GPM6A: variants seen among roughly 807,000 people sequenced by gnomAD.
GPM6A encodes the protein glycoprotein M6A, also known as neuronal membrane glycoprotein M6-a.
Under a neutral mutation model 32.1 loss-of-function variants are expected in GPM6A, and 7 were observed. The observed-to-expected ratio is 0.22, with a 90% CI of 0.12 to 0.41. The LOEUF (loss-of-function observed/expected upper bound fraction) is 0.41, where lower values mean the gene tolerates loss of function less well. Among genes scored for constraint, GPM6A ranks in the 10% least tolerant of loss-of-function variants. The pLI is 1.00. For missense variants in GPM6A, 235 were observed against 347.2 expected, an observed-to-expected ratio of 0.68 and a Z score of 2.57; for synonymous variants, 130 against 123.4, an observed-to-expected ratio of 1.05 and a Z score of -0.35.
chr4:175,937,039 T>C (rs1205229932), intron 1 of GPM6A, among the ~76,000 whole-genome samples: 1 of 152,104 alleles, frequency 6.6e-6, no homozygotes, highest in Admixed American at 6.5e-5. Context: ...ATAAATAAGA[T>C]TGATGTTTTC....
intron 1 of GPM6A, among the ~76,000 whole-genome samples, chr4:175,709,078 C>A (rs190469280): frequency 6.6e-6 from 1 of 152,180 alleles, no homozygotes; most frequent in East Asian, 1.9e-4. Context: ...TGTAAGCATA[C>A]GTAAACTTAA....
At chr4:175,813,161 T>C (rs1344295737), upstream of GPM6A, 1 of 721,566 alleles carries the variant, frequency 1.4e-6, no homozygotes, top group Non-Finnish European at 1.7e-6. Context: ...CGAAAGCTGC[T>C]GGTTTCCAAT....
intron 1 of GPM6A, among the ~76,000 whole-genome samples, chr4:175,938,023 T>C (rs1739293123): frequency 6.6e-6 from 1 of 152,168 alleles, no homozygotes; most frequent in Admixed American, 6.5e-5. Context: ...ATGGATTACA[T>C]AGAGTTTGAG....
intron 1 of GPM6A, 197 bp downstream of exon 1, chr4:175,811,994 A>T (rs992059391): frequency 5.7e-6 from 3 of 525,210 alleles, no homozygotes; most frequent in Non-Finnish European, 1.0e-5. Flanking sequence ...TTCGGTACTT[A>T]TATCTGAAAG....
intron 1 of GPM6A, among the ~76,000 whole-genome samples, chr4:175,917,855 A>AGT (rs3034746): frequency 0.97 from 148,295 of 152,230 alleles, 72,363 homozygotes; most frequent in East Asian, 1. Context: ...TAGCCTTATA[A>AGT]GTCAATGTGT....
chr4:175,993,148 T>C (rs1172090773), intron 1 of GPM6A, among the ~76,000 whole-genome samples: 2 of 139,120 alleles, frequency 1.4e-5, no homozygotes, highest in African/African-American at 5.3e-5. Context: ...CCCTCCCCTC[T>C]CTCCCTCCCC....
chr4:175,948,539 C>G (rs1366718459), intron 1 of GPM6A, among the ~76,000 whole-genome samples: 1 of 152,212 alleles, frequency 6.6e-6, no homozygotes, highest in Non-Finnish European at 1.5e-5. Context: ...TAAGATGCCA[C>G]ATCTGATTCT....
chr4:175,751,631 T>G (rs1216437507), intron 1 of GPM6A, among the ~76,000 whole-genome samples: 1 of 152,146 alleles, frequency 6.6e-6, no homozygotes, highest in Admixed American at 6.5e-5. Flanking sequence ...CTGAATCTAT[T>G]CTGTGCAAAC....
intron 1 of GPM6A, among the ~76,000 whole-genome samples, chr4:175,820,648 C>T (rs10032978): frequency 0.064 from 9,633 of 151,462 alleles, 860 homozygotes; most frequent in African/African-American, 0.21. Context: ...TACAGGCATG[C>T]GCCACCACGC....
rs1184103679 is a variant in GPM6A at position 175,817,725 on chromosome 4, G to C, written c.-22-5476C>G. Among the ~76,000 whole-genome samples, 4 of 152,294 alleles carry C rather than the reference G, an allele frequency of 2.6e-5. No individual in the cohort carries two copies. The East Asian group carries it at 5.8e-4, about 22-fold the overall frequency. ...AAGAGAATACATGAAGGCCTATGGA[G>C]GGGGAGACATACTCTGCTGAGAACA... On this transcript the variant is annotated intron_variant, in intron 1 of 7. Transcript: ENST00000280187.
At chr4:175,641,839 G>A (rs6553890) in intron 4 of GPM6A, 17,416 of 151,850 alleles carry the variant, frequency 0.11, 1,539 homozygotes, top group African/African-American at 0.24. Flanking sequence ...ACAGGTGCCC[G>A]CCACCACACC....
intron 3 of GPM6A, among the ~76,000 whole-genome samples, chr4:175,662,198 A>G (rs1390874096): frequency 6.6e-6 from 1 of 152,142 alleles, no homozygotes; most frequent in East Asian, 1.9e-4. Flanking sequence ...TGTATAATAT[A>G]CTGGGGGTTT....
At chr4:175,825,625 G>C (rs1334719882) in intron 1 of GPM6A, among the ~76,000 whole-genome samples, 2 of 152,140 alleles carry the variant, frequency 1.3e-5, no homozygotes, top group Non-Finnish European at 2.9e-5. Flanking sequence ...TCAACCTAAA[G>C]ATGATGGCAA....
chr4:175,744,936 A>C (rs1732038325), intron 1 of GPM6A, among the ~76,000 whole-genome samples: 1 of 152,182 alleles, frequency 6.6e-6, no homozygotes, highest in African/African-American at 2.4e-5. Flanking sequence ...ATAAATTGTT[A>C]AACATAATAA....
chr4:175,659,850 T>C (rs1038128181), intron 3 of GPM6A, among the ~76,000 whole-genome samples: 1 of 152,160 alleles, frequency 6.6e-6, no homozygotes, highest in Non-Finnish European at 1.5e-5. Context: ...AACAATAGTG[T>C]GAATGTAAGG....
At chr4:175,902,264 G>C (rs35663654) in intron 1 of GPM6A, among the ~76,000 whole-genome samples, 1 of 152,158 alleles carries the variant, frequency 6.6e-6, no homozygotes, top group Non-Finnish European at 1.5e-5. Context: ...GTTATGATAT[G>C]GGAGCTAAAA....
At chr4:175,895,619 A>T (rs541571792) in intron 1 of GPM6A, among the ~76,000 whole-genome samples, 2 of 152,214 alleles carry the variant, frequency 1.3e-5, no homozygotes, top group Non-Finnish European at 2.9e-5. Context: ...TAAAATTCCA[A>T]ATCAACCTAT....
At chr4:175,821,219 GA>G (rs940103555) in intron 1 of GPM6A, among the ~76,000 whole-genome samples, 1 of 152,034 alleles carries the variant, frequency 6.6e-6, no homozygotes, top group African/African-American at 2.4e-5. Flanking sequence ...ATCTTAATAT[GA>G]TTTCCTTAAG....
Position 175,640,834 on chromosome 4 carries a change from A to C in GPM6A, c.542-5T>G. ...CCTCTCCAATTGTCACAATTCCTAC[A>C]ATGTGTGGGAAATGACAGTTTAGCA... On this transcript the variant is annotated splice_polypyrimidine_tract_variant and splice_region_variant and intron_variant, in intron 4 of 6. Coordinates refer to ENST00000393658, the MANE Select transcript of GPM6A (RefSeq NM_201591.3). 1.9e-6 allele frequency: 3 copies of C among 1,568,832 alleles called. No homozygotes were observed. Among genetic ancestry groups the C allele is most frequent in the Non-Finnish European group, 2.6e-6 (3 of 1,139,306 alleles).
Sources: allele counts gnomAD v4.1 joint callset (sites outside exome capture counted in the v4.1 genomes callset), GRCh38; gene constraint gnomAD v4.1.1; transcripts MANE v1.5; gene names NCBI Gene and HGNC (gene_info 2026-07-23, HGNC 2026-07-21).